The following SLC39A12 variants were observed in gnomAD, a reference collection of about 807,000 sequenced individuals.
SLC39A12 encodes zinc transporter ZIP12.
A neutral mutation model predicts 71.1 loss-of-function variants in SLC39A12; 63 were observed. That is an observed-to-expected ratio of 0.89 (90% CI 0.72 to 1.09). The LOEUF (loss-of-function observed/expected upper bound fraction) is 1.09, where lower values mean the gene tolerates loss of function less well. SLC39A12 is among the 50% of genes least tolerant of loss of function. The pLI is 0.00. For synonymous variants in SLC39A12, 351 were observed against 301.3 expected, an observed-to-expected ratio of 1.16 and a Z score of -1.71; for missense variants, 892 against 812.6, an observed-to-expected ratio of 1.10 and a Z score of -1.19.
intron 12 of SLC39A12, among the ~76,000 whole-genome samples, chr10:18,032,614 C>T (rs1317020841): frequency 3.3e-5 from 5 of 149,520 alleles, no homozygotes; most frequent in African/African-American, 4.9e-5. Flanking sequence ...ATTTGACTTC[C>T]TCCTTTCCTA....
chr10:17,997,480 G>A (rs7078713), intron 10 of SLC39A12, among the ~76,000 whole-genome samples: 2 of 151,866 alleles, frequency 1.3e-5, no homozygotes, highest in Non-Finnish European at 2.9e-5. Context: ...CACATAGTAG[G>A]TCTGCAATAG....
At chr10:18,036,557 C>G (rs1485627728) in intron 12 of SLC39A12, among the ~76,000 whole-genome samples, 1 of 151,740 alleles carries the variant, frequency 6.6e-6, no homozygotes, top group Non-Finnish European at 1.5e-5. Context: ...CCGGCACTCC[C>G]TAGTGAGATG....
At chr10:18,007,691 T>G (rs2130854765) in intron 12 of SLC39A12, among the ~76,000 whole-genome samples, 1 of 152,320 alleles carries the variant, frequency 6.6e-6, no homozygotes, top group South Asian at 2.1e-4. Context: ...TTAGACCATA[T>G]GGGGTAATGT....
chr10:18,023,010 T>G (rs1367757263), intron 12 of SLC39A12, among the ~76,000 whole-genome samples: 1 of 152,202 alleles, frequency 6.6e-6, no homozygotes, highest in Non-Finnish European at 1.5e-5. Flanking sequence ...ATTTCCTAGT[T>G]TTTGCATCCA....
chr10:17,952,793 T>A lies in SLC39A12; in HGVS notation c.-86-398T>A, dbSNP rs568849358. On this transcript the variant is annotated intron_variant, in intron 1 of 12. Coordinates refer to ENST00000377369, the MANE Select transcript of SLC39A12 (RefSeq NM_001145195.2). Reference sequence around the variant, plus strand: ...TGAGCTACCGCGCCTGGCCTAAAACTTTTAAACTCAACATGATGTTGGTCA... The same window carrying A: ...TGAGCTACCGCGCCTGGCCTAAAACATTTAAACTCAACATGATGTTGGTCA... Among the ~76,000 whole-genome samples, 428 of 152,316 alleles carry A rather than the reference T, an allele frequency of 2.8e-3. 3 individuals are homozygous for A. Among genetic ancestry groups the A allele is most frequent in the African/African-American group, 1.0e-2 (415 of 41,572 alleles).
At chr10:18,024,313 G>A (rs918241615) in intron 12 of SLC39A12, among the ~76,000 whole-genome samples, 4 of 152,072 alleles carry the variant, frequency 2.6e-5, no homozygotes, top group Non-Finnish European at 4.4e-5. Flanking sequence ...CCTGAAAAGC[G>A]GCTCTGCCCT....
chr10:18,000,095 G>A (rs529251819), intron 10 of SLC39A12, among the ~76,000 whole-genome samples: 2 of 152,286 alleles, frequency 1.3e-5, no homozygotes, highest in East Asian at 1.9e-4. Flanking sequence ...AGATGAAGGT[G>A]CAAGACAAGA....
At chr10:18,036,705 A>G (rs1837034998) in intron 12 of SLC39A12, among the ~76,000 whole-genome samples, 2 of 147,764 alleles carry the variant, frequency 1.4e-5, no homozygotes, top group Admixed American at 1.4e-4. Context: ...AGGCAGCCTA[A>G]TAACTATATC....
intron 2 of SLC39A12, among the ~76,000 whole-genome samples, chr10:17,959,553 A>G (rs1370229542): frequency 2.0e-5 from 3 of 152,180 alleles, no homozygotes; most frequent in Non-Finnish European, 4.4e-5. Flanking sequence ...AAGATATTGT[A>G]GTACAATATC....
chr10:17,956,116 A>T (rs1554847754), intron 2 of SLC39A12, among the ~76,000 whole-genome samples: 1 of 152,030 alleles, frequency 6.6e-6, no homozygotes, highest in East Asian at 1.9e-4. Context: ...GGTCAAATGG[A>T]TATATATGTG....
At position 18,008,305 on chromosome 10, in the gene SLC39A12, G is replaced by A. The variant is rs142505430; in HGVS notation, c.1947+4947G>A. On this transcript the variant is annotated intron_variant, in intron 12 of 12. Transcript: ENST00000377369. The stretch of plus-strand genomic sequence containing the variant: ...GAGCGTGAACCTTATTGTGAACTGC[G>A]CATGTGAGGGATCTAGGTTGCACAC... Among the ~76,000 whole-genome samples the A allele has an allele frequency of 1.3e-3, 194 of 152,224 alleles. 1 individual carries two copies. The highest frequency in any genetic ancestry group is 4.5e-3 in the African/African-American group (185 of 41,534).
At chr10:18,033,862 A>G (rs372303070) in intron 12 of SLC39A12, among the ~76,000 whole-genome samples, 4 of 151,948 alleles carry the variant, frequency 2.6e-5, no homozygotes, top group Admixed American at 1.3e-4. Flanking sequence ...CTTTGCTCTC[A>G]TTGGTTTCAA....
In SLC39A12 at chr10:17,991,176, C is replaced by A. The variant is rs778543774; in HGVS notation, c.1295C>A (p.Ala432Asp). ...GTTCTTGGTTTACATAAGCAGGAAGCCCCAGAATTTGGGCATTTCCATGAA... is the reference window on the plus strand; with the variant it reads ...GTTCTTGGTTTACATAAGCAGGAAGACCCAGAATTTGGGCATTTCCATGAA... ...PQVLGLHKQE[A>D]PEFGHFHESK... is the part of the protein sequence containing the mutation. Residue 432 changes from alanine to aspartate, a missense_variant, in exon 8 of 13, where the codon GCC becomes GAC. Ala to Asp is a moderately radical substitution (Grantham distance 126). Coordinates refer to ENST00000377369, the MANE Select transcript of SLC39A12 (RefSeq NM_001145195.2). 8 of 1,556,684 alleles carry A rather than the reference C, an allele frequency of 5.1e-6. No homozygotes were observed. Among genetic ancestry groups the A allele is most frequent in the Non-Finnish European group, 6.9e-6 (8 of 1,158,598 alleles).
intron 6 of SLC39A12, 69 bp downstream of exon 6, chr10:17,981,552 A>T (rs1227917986): frequency 3.4e-5 from 42 of 1,246,388 alleles, no homozygotes; most frequent in Non-Finnish European, 4.2e-5. Flanking sequence ...TAAATGCAGG[A>T]TACTTACTAT....
intron 2 of SLC39A12, among the ~76,000 whole-genome samples, chr10:17,954,482 C>G (rs1173125470): frequency 2.0e-5 from 3 of 152,104 alleles, no homozygotes; most frequent in Non-Finnish European, 4.4e-5. Context: ...TCTCAAACTC[C>G]TGACCTCGTG....
chr10:17,983,829 C>T (rs1370984600), intron 6 of SLC39A12, among the ~76,000 whole-genome samples: 1 of 151,846 alleles, frequency 6.6e-6, no homozygotes, highest in Non-Finnish European at 1.5e-5. Context: ...TGTCCTCAAT[C>T]GAAAATGTTG....
intron 5 of SLC39A12, among the ~76,000 whole-genome samples, chr10:17,980,249 GAAATCATCTCTA>G (rs1835217240): frequency 6.6e-6 from 1 of 151,990 alleles, no homozygotes; most frequent in Non-Finnish European, 1.5e-5. Context: ...TTGTATCCAT[GAAATCATCTCTA>G]AAGATTTTTA....
intron 12 of SLC39A12, among the ~76,000 whole-genome samples, chr10:18,004,901 G>A (rs1367146904): frequency 1.3e-5 from 2 of 152,156 alleles, no homozygotes; most frequent in Admixed American, 1.3e-4. Flanking sequence ...GCCATAAGAA[G>A]GAATGGGATC....
chr10:17,999,294 CAA>C (rs59734258), intron 10 of SLC39A12, among the ~76,000 whole-genome samples: 3,408 of 69,910 alleles, frequency 0.049, 27 homozygotes, highest in South Asian at 0.14. Context: ...GACTCCATCT[CAA>C]AAAAAAAAAA....
Sources: gnomAD v4.1 joint callset for allele counts (sites outside exome capture counted in the v4.1 genomes callset) on GRCh38, gnomAD v4.1.1 for gene constraint, MANE v1.5 for transcripts, NCBI Gene and HGNC (gene_info 2026-07-23, HGNC 2026-07-21) for gene names.